POLR3A: variants seen among roughly 807,000 people sequenced by gnomAD.
POLR3A encodes DNA-directed RNA polymerase III subunit RPC1.
POLR3A carries 112 observed loss-of-function variants against 152.8 expected under a neutral mutation model. That is an observed-to-expected ratio of 0.73 (90% CI 0.63 to 0.86). The LOEUF is 0.86. POLR3A is among the 40% of genes least tolerant of loss of function. The probability of loss-of-function intolerance (pLI) is 0.00; values close to 1 mark genes in which losing one functional copy is unlikely to be tolerated. For missense variants in POLR3A, 1,385 were observed against 1,743.1 expected (o/e 0.79, Z 3.66); for synonymous variants, 615 against 652.1 (o/e 0.94, Z 0.87).
rs550490701 is a variant in POLR3A at position 77,980,217 on chromosome 10, C to T, written c.3948G>A (p.Leu1316=). ...FGLAKMKESV[L]MLASFEKTAD... is the part of the protein sequence containing the mutation. ...CCGTCTTCTCAAAGGAGGCCAGCAT[C>T]AGCACACTCTCCTTCATCTTGGCCA... The change falls in exon 30 of 31, where the codon CTG becomes CTA. Residue 1316 remains leucine (L), a synonymous_variant. Transcript: ENST00000372371. 1.2e-6 allele frequency: 2 copies of T among 1,613,800 alleles called. No homozygotes were observed. Among genetic ancestry groups the T allele is most frequent in the Admixed American group, 3.3e-5 (2 of 60,026 alleles).
chr10:77,994,642 G>C (rs904519715), intron 19 of POLR3A, among the ~76,000 whole-genome samples: 7 of 152,200 alleles, frequency 4.6e-5, no homozygotes, highest in South Asian at 2.1e-4. Flanking sequence ...ACAAAGCCTT[G>C]AAGAAATATG....
Position 78,024,953 on chromosome 10 carries a change from T to G in POLR3A, c.490+18A>C. 6.2e-7 allele frequency: 1 copy of G among 1,613,456 alleles called. No homozygotes were observed. Among genetic ancestry groups the G allele is most frequent in the South Asian group, 1.1e-5 (1 of 91,058 alleles). ...AGTGAAAAGGGCTATTGCTTAGCCT[T>G]CTGTGCATTCCACTCACCATTAAAA... On this transcript the variant is annotated intron_variant, in intron 4 of 30. Transcript: ENST00000372371.
At chr10:78,020,585 G>C (rs1302710705) in intron 8 of POLR3A, among the ~76,000 whole-genome samples, 1 of 151,710 alleles carries the variant, frequency 6.6e-6, no homozygotes, top group Non-Finnish European at 1.5e-5. Flanking sequence ...TCAGGAGATC[G>C]AGACGATCCT....
chr10:77,989,870 T>C (rs563990884), intron 21 of POLR3A, among the ~76,000 whole-genome samples: 55 of 152,224 alleles, frequency 3.6e-4, no homozygotes, highest in African/African-American at 1.3e-3. Context: ...TAAGAAAGCC[T>C]TTGGAGGAGA....
chr10:78,027,950 C>T (rs78045887), intron 1 of POLR3A, among the ~76,000 whole-genome samples: 2,229 of 152,180 alleles, frequency 0.015, 59 homozygotes, highest in African/African-American at 0.051. Flanking sequence ...TCTGACTGGG[C>T]GCAGGTGTAC....
intron 1 of POLR3A, among the ~76,000 whole-genome samples, chr10:78,027,703 C>T (rs907627878): frequency 2.1e-4 from 31 of 148,152 alleles, no homozygotes; most frequent in African/African-American, 7.7e-4. Context: ...GGCATACAGG[C>T]ATGCGCCACC....
Position 77,983,363 on chromosome 10 carries a change from T to C in POLR3A, c.3430-546A>G, listed in dbSNP as rs544096676. Reference sequence around the variant, plus strand: ...AGAGAACGAGCTGACAGAATGTGTTTTAAGGGCTAGTACAGCTTTAACTAC... The same window carrying C: ...AGAGAACGAGCTGACAGAATGTGTTCTAAGGGCTAGTACAGCTTTAACTAC... On this transcript the variant is annotated intron_variant, in intron 26 of 30. Transcript: ENST00000372371. 7.2e-5 allele frequency among the ~76,000 whole-genome samples: 11 copies of C among 152,354 alleles called. No individual in the cohort carries two copies. In the East Asian group the frequency reaches 1.2e-3, roughly 16 times the overall value.
At chr10:78,023,000 A>G (rs1300489447) in intron 5 of POLR3A, among the ~76,000 whole-genome samples, 1 of 151,836 alleles carries the variant, frequency 6.6e-6, no homozygotes, top group Admixed American at 6.6e-5. Context: ...TCTACTAAAA[A>G]TACAAAAATT....
intron 28 of POLR3A, 101 bp downstream of exon 28, chr10:77,982,038 CAAAAAAAAAAAAAAA>C (rs553149963): frequency 6.9e-5 from 19 of 277,032 alleles, no homozygotes; most frequent in African/African-American, 3.3e-4. Flanking sequence ...GACTCCATCT[CAAAAAAAAAAAAAAA>C]AAAAAAAAAA....
At position 77,977,706 on chromosome 10, in the gene POLR3A, G is replaced by A. The variant is rs1014935002; in HGVS notation, c.4025-80C>T. On this transcript the variant is annotated intron_variant, in intron 30 of 30. Transcript: ENST00000372371. ...ACGAAGAAAGACTATTGGCTTAAGTGTCAGAAAATTAGGATGTGAGTCCCA... is the reference window on the plus strand; with the variant it reads ...ACGAAGAAAGACTATTGGCTTAAGTATCAGAAAATTAGGATGTGAGTCCCA... 13 of 1,261,812 alleles carry A rather than the reference G, an allele frequency of 1.0e-5. No homozygotes were observed. In the African/African-American group the frequency reaches 1.6e-4, roughly 16 times the overall value. 78.2% of individuals were successfully genotyped at this position (1,261,812 alleles called of 1,614,324 possible). A position where few individuals can be genotyped will look rare whatever the true frequency, so the allele number is the denominator to read the frequency against.
intron 21 of POLR3A, among the ~76,000 whole-genome samples, chr10:77,989,233 C>T (rs992238360): frequency 2.0e-5 from 3 of 152,222 alleles, no homozygotes; most frequent in East Asian, 3.8e-4. Flanking sequence ...ATTCATCACA[C>T]GATTAACCAG....
chr10:78,026,385 T>C (rs1017760729), intron 1 of POLR3A, among the ~76,000 whole-genome samples, 156 bp from the exon 2 acceptor site: 3 of 152,214 alleles, frequency 2.0e-5, no homozygotes, highest in Non-Finnish European at 2.9e-5. Flanking sequence ...TCATTTTTCC[T>C]TCACAAACAT....
At chr10:77,994,993 T>C (rs898157202) in intron 19 of POLR3A, among the ~76,000 whole-genome samples, 1 of 152,012 alleles carries the variant, frequency 6.6e-6, no homozygotes, top group Non-Finnish European at 1.5e-5. Context: ...CAGAAGAGAG[T>C]GGGGACCAAT....
At chr10:77,995,229 A>G (rs1589307916) in intron 19 of POLR3A, among the ~76,000 whole-genome samples, 4 of 152,250 alleles carry the variant, frequency 2.6e-5, no homozygotes, top group South Asian at 2.1e-4. Flanking sequence ...AAAGACCATC[A>G]AGGCTAGGAA....
intron 19 of POLR3A, among the ~76,000 whole-genome samples, chr10:77,997,011 C>G (rs1205336734): frequency 2.6e-5 from 4 of 152,112 alleles, no homozygotes; most frequent in African/African-American, 9.7e-5. Flanking sequence ...GTTCCACATA[C>G]ACAGATCAAT....
At chr10:77,990,202 C>T (rs1359967370) in intron 21 of POLR3A, among the ~76,000 whole-genome samples, 1 of 150,734 alleles carries the variant, frequency 6.6e-6, no homozygotes, top group Non-Finnish European at 1.5e-5. Context: ...CAGGTCAGAA[C>T]CATAAAAAAA....
At chr10:78,010,138 G>C in intron 12 of POLR3A, 147 bp from the exon 13 acceptor site, 1 of 1,045,788 alleles carries the variant, frequency 9.6e-7, no homozygotes, top group Non-Finnish European at 1.4e-6. Flanking sequence ...CTCCAACTAG[G>C]ATCTACCTCC....
intron 30 of POLR3A, among the ~76,000 whole-genome samples, chr10:77,979,025 C>G (rs533015225): frequency 6.6e-6 from 1 of 150,954 alleles, no homozygotes; most frequent in East Asian, 2.0e-4. Flanking sequence ...GTTGCCCAGC[C>G]TGGCCTCAAA....
At position 78,004,889 on chromosome 10, in the gene POLR3A, C is replaced by A; in HGVS notation, c.2075-1G>T. 6.2e-7 allele frequency: 1 copy of A among 1,613,948 alleles called. No homozygotes were observed. ...ATCCCAATTGAGAAACCACGGTTAG[C>A]TGTTGAGTTGGTAGAGCAGGAAGAA... On this transcript the variant is annotated splice_acceptor_variant, in intron 15 of 30. Transcript: ENST00000372371. LOFTEE classifies it high-confidence loss of function.
Sources: allele counts gnomAD v4.1 joint callset (sites outside exome capture counted in the v4.1 genomes callset), GRCh38; gene constraint gnomAD v4.1.1; transcripts MANE v1.5; gene names NCBI Gene and HGNC (gene_info 2026-07-23, HGNC 2026-07-21).